The following DGKI variants were observed in gnomAD, a reference collection of about 807,000 sequenced individuals.
DGKI encodes diacylglycerol kinase iota.
A neutral mutation model predicts 147.5 loss-of-function variants in DGKI; 55 were observed. The ratio of observed to expected loss-of-function variants is 0.37; its 90% confidence interval spans 0.30 to 0.47. The LOEUF (loss-of-function observed/expected upper bound fraction) is 0.47, where lower values mean the gene tolerates loss of function less well. Ranked by LOEUF, DGKI falls within the 20% of genes least tolerant of loss-of-function variation. DGKI has a pLI of 1.00. For missense variants in DGKI, 1,007 were observed against 1,323.8 expected (o/e 0.76, Z 3.71); for synonymous variants, 469 against 477.1 (o/e 0.98, Z 0.22).
chr7:137,740,728 C>T (rs1018231528), intron 1 of DGKI, among the ~76,000 whole-genome samples: 5 of 152,148 alleles, frequency 3.3e-5, no homozygotes, highest in African/African-American at 9.7e-5. Context: ...CTCTGGAAAA[C>T]GGCTATGATT....
At chr7:137,794,443 G>C (rs760679147) in intron 1 of DGKI, among the ~76,000 whole-genome samples, 1 of 152,216 alleles carries the variant, frequency 6.6e-6, no homozygotes, top group Non-Finnish European at 1.5e-5. Flanking sequence ...GATGAAGCTA[G>C]CAAATTGCAG....
chr7:137,576,386 T>C (rs1818977125), intron 17 of DGKI, among the ~76,000 whole-genome samples: 2 of 152,188 alleles, frequency 1.3e-5, no homozygotes, highest in Non-Finnish European at 1.5e-5. Context: ...CAAGCATTGA[T>C]AAATTCAAAC....
At chr7:137,411,365 TA>T (rs924791177) in intron 29 of DGKI, among the ~76,000 whole-genome samples, 5 of 130,206 alleles carry the variant, frequency 3.8e-5, no homozygotes, top group African/African-American at 1.4e-4. Context: ...GTTTAGCTAT[TA>T]AAAAACACAG....
In DGKI at chr7:137,609,095, C is replaced by A. The variant is rs1408582595; in HGVS notation, c.1069-31G>T. On this transcript the variant is annotated intron_variant, in intron 9 of 32. Transcript: ENST00000614521. ...AGAAGCAATCAGCACTGTTAGGATA[C>A]ACATCCATGGCTTGAAAGGCAACCC... 3.8e-6 allele frequency: 6 copies of A among 1,579,668 alleles called. No homozygotes were observed. The African/African-American group carries it at 4.1e-5, about 11-fold the overall frequency.
chr7:137,389,696 T>G lies in DGKI; in HGVS notation c.*1524A>C, dbSNP rs1023915996. ...AGACAGACATTTTCTTCTGATATTT[T>G]AGGGATCACAGAGTCCCTAAGAGAG... On this transcript the variant is annotated 3_prime_UTR_variant, in exon 33 of 33. Transcript: ENST00000614521. The G allele has an allele frequency of 2.0e-5, 3 of 152,182 alleles. No homozygotes were observed. The highest frequency in any genetic ancestry group is 2.9e-5 in the Non-Finnish European group (2 of 68,032). 9.4% of individuals were successfully genotyped at this position (152,182 alleles called of 1,614,324 possible).
At chr7:137,824,802 A>G (rs1798008750) in intron 1 of DGKI, among the ~76,000 whole-genome samples, 1 of 152,156 alleles carries the variant, frequency 6.6e-6, no homozygotes, top group African/African-American at 2.4e-5. Context: ...AAGTGAGAGC[A>G]TGCAGTATTT....
chr7:137,565,969 C>T (rs1818569999), intron 19 of DGKI, among the ~76,000 whole-genome samples: 1 of 152,022 alleles, frequency 6.6e-6, no homozygotes, highest in South Asian at 2.1e-4. Context: ...TCCAGTAATT[C>T]TATTTCAAAG....
chr7:137,839,015 C>T (rs1798471710), intron 1 of DGKI, among the ~76,000 whole-genome samples: 1 of 152,214 alleles, frequency 6.6e-6, no homozygotes, highest in Non-Finnish European at 1.5e-5. Flanking sequence ...TCTAGTACCT[C>T]GGTCTTTATC....
At chr7:137,443,400 C>T (rs1304662428) in intron 28 of DGKI, among the ~76,000 whole-genome samples, 2 of 152,052 alleles carry the variant, frequency 1.3e-5, no homozygotes, top group African/African-American at 4.8e-5. Flanking sequence ...TACAAAGGGG[C>T]CCCAAACCAA....
At chr7:137,821,025 C>T (rs903180251) in intron 1 of DGKI, among the ~76,000 whole-genome samples, 1 of 152,160 alleles carries the variant, frequency 6.6e-6, no homozygotes, top group African/African-American at 2.4e-5. Flanking sequence ...TTAGCAACAG[C>T]CTCTCCCCAG....
At chr7:137,803,223 T>C (rs904076354) in intron 1 of DGKI, among the ~76,000 whole-genome samples, 2 of 151,942 alleles carry the variant, frequency 1.3e-5, no homozygotes, top group Non-Finnish European at 2.9e-5. Flanking sequence ...CAGGACACAG[T>C]GAGGAGACCA....
chr7:137,496,235 A>G (rs1815960262), intron 21 of DGKI, among the ~76,000 whole-genome samples: 2 of 152,288 alleles, frequency 1.3e-5, no homozygotes, highest in South Asian at 4.1e-4. Context: ...TAAAATACCT[A>G]GGAATACAGC....
chr7:137,555,757 G>C (rs2550981), intron 19 of DGKI, among the ~76,000 whole-genome samples: 3 of 151,850 alleles, frequency 2.0e-5, no homozygotes, highest in African/African-American at 7.3e-5. Flanking sequence ...CATTTTACCT[G>C]CCCCACTACC....
intron 1 of DGKI, among the ~76,000 whole-genome samples, chr7:137,711,975 G>A (rs1278241953): frequency 1.3e-5 from 2 of 152,058 alleles, no homozygotes; most frequent in Non-Finnish European, 2.9e-5. Context: ...TTACAGGCGT[G>A]AGCCACCATG....
chr7:137,660,069 A>C (rs948041469), intron 3 of DGKI, among the ~76,000 whole-genome samples: 1 of 152,244 alleles, frequency 6.6e-6, no homozygotes, highest in African/African-American at 2.4e-5. Flanking sequence ...ATTATTTAAA[A>C]AACAATAATT....
chr7:137,392,406 T>C (rs967408067), intron 32 of DGKI, among the ~76,000 whole-genome samples: 1 of 152,156 alleles, frequency 6.6e-6, no homozygotes, highest in Non-Finnish European at 1.5e-5. Flanking sequence ...TTATGTTAAG[T>C]TCCAAAGGAA....
At position 137,689,920 on chromosome 7, in the gene DGKI, C is replaced by T. The variant is rs1245942259; in HGVS notation, c.484G>A (p.Glu162Lys). 1.2e-6 allele frequency: 2 copies of T among 1,605,216 alleles called. No individual in the cohort carries two copies. The highest frequency in any genetic ancestry group is 1.7e-6 in the Non-Finnish European group (2 of 1,176,036). Residue 162 changes from glutamate to lysine, a missense_variant, in exon 2 of 33, where the codon GAG (glutamate) becomes AAG (lysine). Glu to Lys is a moderately conservative substitution (Grantham distance 56). Around this residue, in one of 5 missense-constraint regions of DGKI, gnomAD observed 259 missense variants for 362.5 expected, o/e 0.71. Transcript: ENST00000614521. ...CTCCAGTCCAAAGTCGCTCTGGGCT[C>T]CTTGGCTGGACCATTTGCCACAGGA... is the stretch of plus-strand genomic sequence containing the variant. ...SLPVANGPAK[E>K]PRATLDWSEN...
intron 8 of DGKI, among the ~76,000 whole-genome samples, chr7:137,615,528 T>C (rs1820500348): frequency 7.3e-6 from 1 of 136,116 alleles, no homozygotes; most frequent in Non-Finnish European, 1.5e-5. Flanking sequence ...TGTATATGTA[T>C]GTATGTGTGT....
intron 27 of DGKI, among the ~76,000 whole-genome samples, chr7:137,446,020 C>G (rs28602983): frequency 2.0e-5 from 3 of 152,028 alleles, no homozygotes; most frequent in Non-Finnish European, 4.4e-5. Context: ...AAGGAAATAT[C>G]TTTCCTCCTG....
Sources: gnomAD v4.1 joint callset for allele counts (sites outside exome capture counted in the v4.1 genomes callset) on GRCh38, gnomAD v4.1.1 for gene constraint, gnomAD v4.1.1 regional missense constraint, MANE v1.5 for transcripts, NCBI Gene and HGNC (gene_info 2026-07-23, HGNC 2026-07-21) for gene names.